The following EVC2 variants were observed in gnomAD, a reference collection of about 807,000 sequenced individuals.
The protein encoded by EVC2 is EvC ciliary complex subunit 2, also known as limbin.
Under a neutral mutation model 149.3 loss-of-function variants are expected in EVC2, and 148 were observed. The ratio of observed to expected loss-of-function variants is 0.99; its 90% CI spans 0.87 to 1.14. The LOEUF is 1.14. EVC2 is among the 50% of genes most tolerant of loss of function. The pLI is 0.00. For synonymous variants in EVC2, 776 were observed against 649.9 expected (o/e 1.19, Z -2.95); for missense variants, 1,854 against 1,627.3 (o/e 1.14, Z -2.40).
chr4:5,689,856 C>T (rs567369059), intron 4 of EVC2, among the ~76,000 whole-genome samples: 3 of 152,184 alleles, frequency 2.0e-5, no homozygotes, highest in Non-Finnish European at 4.4e-5. Context: ...AGCCATCCAG[C>T]GGCCCATGCA....
At chr4:5,586,006 C>A (rs1368203937) in intron 16 of EVC2, among the ~76,000 whole-genome samples, 1 of 152,046 alleles carries the variant, frequency 6.6e-6, no homozygotes, top group Admixed American at 6.6e-5. Context: ...GGATTACAGG[C>A]ATGCACCACC....
Position 5,548,357 on chromosome 4 carries a change from CTTGAAACCA to C in EVC2, c.3420-5154_3420-5146del, listed in dbSNP as rs139645780. 3.3e-3 allele frequency among the ~76,000 whole-genome samples: 491 copies of C among 150,010 alleles called. 2 individuals carry two copies. The highest frequency in any genetic ancestry group is 0.011 in the African/African-American group (463 of 40,736). On this transcript the variant is annotated intron_variant and NMD_transcript_variant, in intron 21 of 22. Coordinates refer to the EVC2 transcript ENST00000475313. ...AAATGATGGGAGCTGCAGCAGCCACCTTGAAACCATGAGACAACCTTGAGGGTGGAAGCC... is the reference window on the plus strand; with the variant it reads ...AAATGATGGGAGCTGCAGCAGCCACCTGAGACAACCTTGAGGGTGGAAGCC...
chr4:5,536,989 C>T, the EVC2 span, among the ~76,000 whole-genome samples: 3 of 152,120 alleles, frequency 2.0e-5, no homozygotes, highest in African/African-American at 7.2e-5. Context: ...AGACTGTCAA[C>T]AAACACATAG....
intron 20 of EVC2, among the ~76,000 whole-genome samples, chr4:5,565,846 C>A (rs1188863586): frequency 6.6e-6 from 1 of 152,182 alleles, no homozygotes; most frequent in African/African-American, 2.4e-5. Flanking sequence ...CAAGATGCAA[C>A]CTCTGCCCTC....
At chr4:5,597,494 A>G (rs1395008461) in intron 16 of EVC2, among the ~76,000 whole-genome samples, 58 of 150,964 alleles carry the variant, frequency 3.8e-4, no homozygotes, top group Admixed American at 6.6e-5. Context: ...AGATGCAGAA[A>G]AGGCCTTTGA....
chr4:5,653,804 C>T lies in EVC2; in HGVS notation c.1145+9303G>A, dbSNP rs188677322. On this transcript the variant is annotated intron_variant, in intron 9 of 21. Coordinates refer to ENST00000344408, the MANE Select transcript of EVC2 (RefSeq NM_147127.5). ...AACTGTTCTAAAAAATAATCTATTA[C>T]GTAAACAAAAAGTAGAGCTGGACTC... Among the ~76,000 whole-genome samples the T allele has an allele frequency of 5.3e-5, 8 of 152,294 alleles. No homozygotes were observed. In the East Asian group the frequency reaches 7.7e-4, roughly 15 times the overall value.
chr4:5,639,535 T>A (rs77868659), intron 10 of EVC2, among the ~76,000 whole-genome samples: 6 of 152,144 alleles, frequency 3.9e-5, no homozygotes, highest in African/African-American at 9.7e-5. Flanking sequence ...GGCAGCTGCT[T>A]TTCCTACATT....
Position 5,587,164 on chromosome 4 carries a change from A to G in EVC2, c.2830-2314T>C, listed in dbSNP as rs79472340. Among the ~76,000 whole-genome samples, 884 of 152,338 alleles carry G rather than the reference A, an allele frequency of 5.8e-3. 6 individuals are homozygous for G. The highest frequency in any genetic ancestry group is 0.02 in the African/African-American group (814 of 41,580). ...TAAAATTCACTAAAGTCAACAATTA[A>G]GTGACATTTAGGATTCAGTAGCCCC... is the stretch of plus-strand genomic sequence containing the variant. On this transcript the variant is annotated intron_variant, in intron 16 of 21. Coordinates refer to ENST00000344408, the MANE Select transcript of EVC2 (RefSeq NM_147127.5).
intron 12 of EVC2, 62 bp downstream of exon 12, chr4:5,628,497 T>C (rs960772828): frequency 3.1e-6 from 5 of 1,594,024 alleles, no homozygotes; most frequent in East Asian, 2.2e-5. Flanking sequence ...TGTGGTATTC[T>C]GTCATAGCAG....
At chr4:5,650,674 C>G (rs1481884169) in intron 9 of EVC2, among the ~76,000 whole-genome samples, 5 of 65,468 alleles carry the variant, frequency 7.6e-5, no homozygotes, top group African/African-American at 2.9e-4. Context: ...GAGAGAGAGC[C>G]ATTTAATCAT....
intron 21 of EVC2, among the ~76,000 whole-genome samples, chr4:5,552,159 G>C (rs1290764217): frequency 6.6e-6 from 1 of 151,994 alleles, no homozygotes; most frequent in African/African-American, 2.4e-5. Context: ...TCAGTGTTTT[G>C]TTATCCATTT....
At chr4:5,678,135 T>G (rs1452143913) in intron 7 of EVC2, among the ~76,000 whole-genome samples, 3 of 152,224 alleles carry the variant, frequency 2.0e-5, no homozygotes, top group Non-Finnish European at 4.4e-5. Flanking sequence ...TGGGAGGGTT[T>G]CCACTATTTT....
At chr4:5,697,702 T>TA in intron 1 of EVC2, 55 bp from the exon 2 acceptor site, 1 of 1,489,452 alleles carries the variant, frequency 6.7e-7, no homozygotes, top group Non-Finnish European at 9.4e-7. Context: ...TGAGAAGTGA[T>TA]AATAAATAAT....
In EVC2 at chr4:5,640,557, G is replaced by A. The variant is rs774347118; in HGVS notation, c.1427C>T (p.Ala476Val). ...CAGCAACTCTTCTGCTTCCTCCATT[G>A]CCATCATCTCTCTCTGGTACTGGTT... The part of the protein sequence containing the change: ...MENQYQREMM[A>V]MEEAEELLKR... Residue 476 changes from alanine to valine, a missense_variant, in exon 10 of 22, where the codon GCA becomes GTA. Coordinates refer to ENST00000344408, the MANE Select transcript of EVC2 (RefSeq NM_147127.5). This position sits in a 1 kb window ranked among gnomAD's most constrained non-coding sequence, Gnocchi z 4.6. 3 of 1,613,980 alleles carry A rather than the reference G, an allele frequency of 1.9e-6. No individual in the cohort carries two copies. The highest frequency in any genetic ancestry group is 2.2e-5 in the East Asian group (1 of 44,880).
chr4:5,680,725 T>A (rs1227573183), intron 7 of EVC2, among the ~76,000 whole-genome samples: 1 of 152,200 alleles, frequency 6.6e-6, no homozygotes, highest in Non-Finnish European at 1.5e-5. Flanking sequence ...TCCACATAAG[T>A]AAATTGCTTA....
intron 12 of EVC2, 130 bp from the exon 13 acceptor site, chr4:5,626,038 A>G: frequency 1.8e-6 from 2 of 1,103,916 alleles, no homozygotes; most frequent in Non-Finnish European, 1.3e-6. Context: ...CTCCAGAAGA[A>G]TTACAAGAAT....
At chr4:5,628,308 T>A (rs1716266909) in intron 12 of EVC2, among the ~76,000 whole-genome samples, 1 of 152,054 alleles carries the variant, frequency 6.6e-6, no homozygotes, top group South Asian at 2.1e-4. Flanking sequence ...TTAATGCCAT[T>A]TCTGTGTTAG....
chr4:5,547,593 G>A (rs1022557871), intron 21 of EVC2, among the ~76,000 whole-genome samples: 1 of 152,162 alleles, frequency 6.6e-6, no homozygotes, highest in Admixed American at 6.5e-5. Context: ...TTCAGCCAAA[G>A]CTGAGCAGAC....
chr4:5,536,726 A>G, the EVC2 span, among the ~76,000 whole-genome samples: 198 of 151,938 alleles, frequency 1.3e-3, 4 homozygotes, highest in South Asian at 0.03. Flanking sequence ...GGAGCTTGCA[A>G]TGAGCAGAGA....
Sources: gnomAD v4.1 joint callset for allele counts (sites outside exome capture counted in the v4.1 genomes callset) on GRCh38, gnomAD v4.1.1 for gene constraint, Gnocchi (gnomAD v3.1) non-coding constraint, MANE v1.5 for transcripts, NCBI Gene and HGNC (gene_info 2026-07-23, HGNC 2026-07-21) for gene names.